MPRIP: variants seen among roughly 807,000 people sequenced by gnomAD.
MPRIP encodes the protein myosin phosphatase Rho interacting protein, also known as myosin phosphatase Rho-interacting protein.
In MPRIP, 59 loss-of-function variants were observed where a neutral mutation model predicts 234.9. The ratio of observed to expected loss-of-function variants is 0.25; its 90% CI spans 0.20 to 0.31. The LOEUF (loss-of-function observed/expected upper bound fraction) is 0.31. Ranked by LOEUF, MPRIP falls within the 10% of genes least tolerant of loss-of-function variation. MPRIP has a pLI of 1.00. For synonymous variants in MPRIP, 1,144 were observed against 1,263.9 expected (o/e 0.91, Z 2.01); for missense variants, 2,436 against 3,071.0 (o/e 0.79, Z 4.89).
intron 3 of MPRIP, among the ~76,000 whole-genome samples, chr17:17,118,645 C>T (rs558312914): frequency 2.0e-5 from 3 of 152,320 alleles, no homozygotes; most frequent in African/African-American, 7.2e-5. Context: ...GAAGGGAGTT[C>T]TGCCTGGTGG....
intron 1 of MPRIP, among the ~76,000 whole-genome samples, chr17:17,058,739 A>G (rs1328182753): frequency 6.6e-6 from 1 of 152,196 alleles, no homozygotes; most frequent in Admixed American, 6.5e-5. Flanking sequence ...TAACACAGCC[A>G]CCAGGAGCAA....
chr17:17,068,678 G>A (rs780534060), intron 1 of MPRIP, among the ~76,000 whole-genome samples: 26 of 151,652 alleles, frequency 1.7e-4, no homozygotes, highest in Non-Finnish European at 3.2e-4. Flanking sequence ...CTACAGGTGT[G>A]TGCCACCACA....
At chr17:17,115,408 G>A (rs1253891871) in intron 3 of MPRIP, among the ~76,000 whole-genome samples, 1 of 152,208 alleles carries the variant, frequency 6.6e-6, no homozygotes, top group African/African-American at 2.4e-5. Flanking sequence ...GAGAGGTGGG[G>A]TGTAGAGGGC....
chr17:17,063,398 GGTTA>G (rs1452724792), intron 1 of MPRIP, among the ~76,000 whole-genome samples: 1 of 152,194 alleles, frequency 6.6e-6, no homozygotes, highest in Non-Finnish European at 1.5e-5. Context: ...GCCTGGAGCC[GGTTA>G]GTGTTCTTGA....
intron 3 of MPRIP, among the ~76,000 whole-genome samples, chr17:17,115,429 TGGGTTGGCAGG>T (rs780606401): frequency 6.6e-6 from 1 of 152,196 alleles, no homozygotes; most frequent in Non-Finnish European, 1.5e-5. Context: ...CTTCCAGGCC[TGGGTTGGCAGG>T]GAGGCGAGCT....
At chr17:17,097,632 A>G (rs982405892) in intron 3 of MPRIP, among the ~76,000 whole-genome samples, 1 of 152,048 alleles carries the variant, frequency 6.6e-6, no homozygotes, top group East Asian at 1.9e-4. Flanking sequence ...AGTTGTTTTC[A>G]GATTTTTACT....
At chr17:17,056,353 C>T (rs2088696349) in intron 1 of MPRIP, among the ~76,000 whole-genome samples, 1 of 152,200 alleles carries the variant, frequency 6.6e-6, no homozygotes, top group Admixed American at 6.5e-5. Flanking sequence ...CGTCATGTTC[C>T]AAAAATCCTG....
chr17:17,169,152 A>G (rs557634297), intron 16 of MPRIP: 61 of 384,086 alleles, frequency 1.6e-4, no homozygotes, highest in Admixed American at 3.6e-4. Context: ...TTCAACAGCT[A>G]TGTTTTCAAA....
chr17:17,170,257 C>G (rs1420721584), intron 16 of MPRIP: 1 of 150,664 alleles, frequency 6.6e-6, no homozygotes, highest in Non-Finnish European at 1.5e-5. Context: ...AAGCCACATA[C>G]AAACAGAAGC....
intron 3 of MPRIP, chr17:17,097,167 G>A (rs182534590): frequency 2.5e-4 from 49 of 196,532 alleles, no homozygotes; most frequent in African/African-American, 1.1e-3. Flanking sequence ...AGTTCATGGT[G>A]AAAATTTGGG....
chr17:17,175,843 C>T (rs1182149054), intron 20 of MPRIP, among the ~76,000 whole-genome samples: 2 of 152,210 alleles, frequency 1.3e-5, no homozygotes, highest in Admixed American at 6.5e-5. Flanking sequence ...TAAAATTTCA[C>T]CCTAAAATGT....
chr17:17,160,311 A>C (rs1328266307), intron 14 of MPRIP, among the ~76,000 whole-genome samples: 1 of 152,184 alleles, frequency 6.6e-6, no homozygotes. Context: ...GGTTGCAGTG[A>C]CCTGAGATCG....
At chr17:17,045,713 C>G (rs1051870973) in intron 1 of MPRIP, among the ~76,000 whole-genome samples, 7 of 152,056 alleles carry the variant, frequency 4.6e-5, no homozygotes, top group Non-Finnish European at 7.4e-5. Flanking sequence ...AGTGACCGTC[C>G]TTTATTACTT....
chr17:17,045,553 A>G (rs972010518), intron 1 of MPRIP, among the ~76,000 whole-genome samples: 4 of 152,226 alleles, frequency 2.6e-5, no homozygotes, highest in African/African-American at 4.8e-5. Context: ...TTCAGGGTCT[A>G]CAGTGGCCAC....
At chr17:17,085,174 A>G (rs1218601060) in intron 3 of MPRIP, among the ~76,000 whole-genome samples, 1 of 152,074 alleles carries the variant, frequency 6.6e-6, no homozygotes, top group African/African-American at 2.4e-5. Flanking sequence ...GGGGTCAGTA[A>G]CTGTGGGGTC....
intron 14 of MPRIP, among the ~76,000 whole-genome samples, chr17:17,159,684 T>C (rs1275186289): frequency 2.0e-5 from 3 of 152,214 alleles, no homozygotes; most frequent in African/African-American, 7.2e-5. Flanking sequence ...ACTTCAGTGG[T>C]AGATTGACAT....
intron 3 of MPRIP, among the ~76,000 whole-genome samples, chr17:17,115,056 C>G (rs1052116674): frequency 1.1e-4 from 16 of 152,278 alleles, no homozygotes; most frequent in Non-Finnish European, 8.8e-5. Flanking sequence ...ACTGCAGCAC[C>G]AAGGCTGGGG....
intron 3 of MPRIP, chr17:17,096,939 C>T (rs2089860834): frequency 2.5e-6 from 1 of 396,002 alleles, no homozygotes; most frequent in Non-Finnish European, 5.2e-6. Context: ...GACCAAGGGG[C>T]CAGCCATCGC....
At chr17:17,156,401 C>T (rs1379797484) in intron 13 of MPRIP, among the ~76,000 whole-genome samples, 3 of 152,250 alleles carry the variant, frequency 2.0e-5, no homozygotes, top group Admixed American at 6.5e-5. Flanking sequence ...AGAGTGCTCA[C>T]CCTCCACCAG....
Sources: gnomAD v4.1 joint callset for allele counts (sites outside exome capture counted in the v4.1 genomes callset) on GRCh38, gnomAD v4.1.1 for gene constraint, MANE v1.5 for transcripts, NCBI Gene and HGNC (gene_info 2026-07-23, HGNC 2026-07-21) for gene names.